Variants in RAB38 observed in about 807,000 individuals in gnomAD.
RAB38 encodes the protein ras-related protein Rab-38.
A neutral mutation model predicts 18.4 loss-of-function variants in RAB38; 15 were observed. The observed-to-expected ratio is 0.82, with a 90% CI of 0.55 to 1.26. The LOEUF is 1.26. RAB38 is among the 50% of genes most tolerant of loss of function. The pLI is 0.00. For synonymous variants in RAB38, 101 were observed against 104.4 expected (o/e 0.97, Z 0.20); for missense variants, 294 against 267.4 (o/e 1.10, Z -0.69).
At chr11:88,015,317 TTTTTA>T in the RAB38 span, among the ~76,000 whole-genome samples, 1 of 152,160 alleles carries the variant, frequency 6.6e-6, no homozygotes, top group Non-Finnish European at 1.5e-5. Context: ...TCAGATACTC[TTTTTA>T]TTTTTAGTTC....
At chr11:87,965,010 T>G in the RAB38 span, among the ~76,000 whole-genome samples, 1 of 152,178 alleles carries the variant, frequency 6.6e-6, no homozygotes, top group African/African-American at 2.4e-5. Context: ...ACTGTTAACA[T>G]ATTCAGCCAG....
At chr11:87,967,250 T>G in the RAB38 span, among the ~76,000 whole-genome samples, 1 of 152,282 alleles carries the variant, frequency 6.6e-6, no homozygotes, top group East Asian at 1.9e-4. Context: ...ATTATTGTAA[T>G]ATTGTTACTT....
At chr11:87,861,268 A>G in the RAB38 span, among the ~76,000 whole-genome samples, 4 of 151,966 alleles carry the variant, frequency 2.6e-5, no homozygotes, top group Admixed American at 2.6e-4. Flanking sequence ...TTCAGGTTAC[A>G]CAGTTCCGAC....
chr11:87,837,464 T>C, the RAB38 span, among the ~76,000 whole-genome samples: 1 of 152,224 alleles, frequency 6.6e-6, no homozygotes. Context: ...TCGAATGTTT[T>C]TCTAAGCTTC....
At chr11:88,161,676 T>G (rs1201254833) in intron 1 of RAB38, among the ~76,000 whole-genome samples, 7 of 152,148 alleles carry the variant, frequency 4.6e-5, no homozygotes, top group African/African-American at 1.7e-4. Context: ...GAATTAGTGC[T>G]GCATACTGAT....
At chr11:87,897,831 C>T in the RAB38 span, among the ~76,000 whole-genome samples, 1 of 151,508 alleles carries the variant, frequency 6.6e-6, no homozygotes, top group Non-Finnish European at 1.5e-5. Context: ...GAGACAAAGA[C>T]AGGCAAGTGG....
chr11:87,973,712 C>A, the RAB38 span, among the ~76,000 whole-genome samples: 1 of 142,926 alleles, frequency 7.0e-6, no homozygotes, highest in South Asian at 2.5e-4. Flanking sequence ...AAAATGAGAC[C>A]CTGTGAATCC....
the RAB38 span, among the ~76,000 whole-genome samples, chr11:88,034,241 TGTTA>T: frequency 6.6e-6 from 1 of 152,262 alleles, no homozygotes; most frequent in Non-Finnish European, 1.5e-5. Context: ...TATCACTGTC[TGTTA>T]GCCATTTGCC....
the RAB38 span, among the ~76,000 whole-genome samples, chr11:87,882,700 C>G: frequency 6.6e-6 from 1 of 151,788 alleles, no homozygotes; most frequent in East Asian, 2.0e-4. Flanking sequence ...TATAGCTACA[C>G]TCATTTTGGT....
chr11:88,016,640 A>G, the RAB38 span, among the ~76,000 whole-genome samples: 2 of 152,002 alleles, frequency 1.3e-5, no homozygotes, highest in Non-Finnish European at 2.9e-5. Flanking sequence ...TAGATGACCT[A>G]TCAATGTGCA....
At chr11:88,039,546 A>G in the RAB38 span, among the ~76,000 whole-genome samples, 1 of 152,144 alleles carries the variant, frequency 6.6e-6, no homozygotes, top group Admixed American at 6.6e-5. Context: ...AGAGGGAGGG[A>G]TTAAGAGCTG....
intron 1 of RAB38, 140 bp from the exon 2 acceptor site, chr11:88,150,095 A>C: frequency 1.1e-6 from 1 of 884,606 alleles, no homozygotes; most frequent in South Asian, 1.7e-5. Context: ...AGAGCGAACT[A>C]AATATGCAAT....
At chr11:88,129,599 G>A (rs971783559) in intron 2 of RAB38, among the ~76,000 whole-genome samples, 29 of 152,212 alleles carry the variant, frequency 1.9e-4, no homozygotes, top group African/African-American at 4.3e-4. Flanking sequence ...AGCCGAGATC[G>A]TGCCACTCAA....
the RAB38 span, among the ~76,000 whole-genome samples, chr11:87,933,102 C>T: frequency 3.3e-5 from 5 of 152,026 alleles, no homozygotes; most frequent in Non-Finnish European, 7.4e-5. Context: ...TCAGTGAATA[C>T]AGCAAGAAAT....
the RAB38 span, among the ~76,000 whole-genome samples, chr11:87,975,956 C>A: frequency 3.3e-5 from 5 of 150,370 alleles, no homozygotes; most frequent in African/African-American, 9.7e-5. Context: ...CAAGAACAAT[C>A]AATCTCTTAA....
the RAB38 span, among the ~76,000 whole-genome samples, chr11:88,022,611 C>CCA: frequency 7.7e-5 from 4 of 52,102 alleles, no homozygotes; most frequent in African/African-American, 3.0e-4. Flanking sequence ...AAAGACCCCA[C>CCA]AAAAAAAAAA....
At chr11:87,949,261 C>A in the RAB38 span, among the ~76,000 whole-genome samples, 1 of 152,040 alleles carries the variant, frequency 6.6e-6, no homozygotes, top group Non-Finnish European at 1.5e-5. Flanking sequence ...TTTATTGCAT[C>A]TATTTGATTC....
chr11:87,958,751 C>T, the RAB38 span, among the ~76,000 whole-genome samples: 2 of 152,100 alleles, frequency 1.3e-5, no homozygotes, highest in Admixed American at 1.3e-4. Flanking sequence ...AAGCACTATT[C>T]TTGAACAGGG....
chr11:87,851,993 T>A, the RAB38 span, among the ~76,000 whole-genome samples: 1 of 152,150 alleles, frequency 6.6e-6, no homozygotes, highest in Non-Finnish European at 1.5e-5. Context: ...TAAACTATAT[T>A]TTTTATGCTA....
Sources: gnomAD v4.1 joint callset for allele counts (sites outside exome capture counted in the v4.1 genomes callset) on GRCh38, gnomAD v4.1.1 for gene constraint, MANE v1.5 for transcripts, NCBI Gene and HGNC (gene_info 2026-07-23, HGNC 2026-07-21) for gene names.